Variants in PRKD1 observed in about 807,000 individuals in gnomAD.
PRKD1 encodes protein kinase D1.
A neutral mutation model predicts 95.9 loss-of-function variants in PRKD1; 63 were observed. The observed-to-expected ratio is 0.66, with a 90% CI of 0.54 to 0.81. PRKD1 has a LOEUF of 0.81. Ranked by LOEUF, PRKD1 falls within the 30% of genes least tolerant of loss-of-function variation. The probability of loss-of-function intolerance (pLI) is 0.00; values close to 1 mark genes in which losing one functional copy is unlikely to be tolerated. For synonymous variants in PRKD1, 425 were observed against 423.1 expected (o/e 1.00, Z -0.05); for missense variants, 1,048 against 1,165.3 (o/e 0.90, Z 1.47).
At chr14:29,911,330 ATC>A (rs1469631491) in intron 1 of PRKD1, among the ~76,000 whole-genome samples, 41 of 152,208 alleles carry the variant, frequency 2.7e-4, no homozygotes, top group Non-Finnish European at 7.4e-5. Context: ...GGTTGTTCAA[ATC>A]TGTTAGACTT....
At chr14:29,763,529 A>G (rs909353981) in intron 1 of PRKD1, among the ~76,000 whole-genome samples, 1 of 151,374 alleles carries the variant, frequency 6.6e-6, no homozygotes, top group Non-Finnish European at 1.5e-5. Flanking sequence ...GACTAGTAAT[A>G]AGAAAGAAGA....
chr14:29,606,416 GAC>G (rs1464429922), intron 13 of PRKD1, among the ~76,000 whole-genome samples: 1 of 152,132 alleles, frequency 6.6e-6, no homozygotes, highest in African/African-American at 2.4e-5. Context: ...ATATGATAAA[GAC>G]AGTCTCTTTC....
At chr14:29,636,048 A>C (rs1880345000) in intron 7 of PRKD1, among the ~76,000 whole-genome samples, 1 of 120,888 alleles carries the variant, frequency 8.3e-6, no homozygotes, top group Non-Finnish European at 1.7e-5. Context: ...CACATGCAAA[A>C]AAAAAAAAAA....
rs1893456377 is a variant in PRKD1, at chr14:29,599,944, C to G, written c.1906-127G>C. On this transcript the variant is annotated intron_variant, in intron 13 of 17. Coordinates refer to ENST00000331968, the MANE Select transcript of PRKD1 (RefSeq NM_002742.3). ...AACCCACACTTAAGATTTTTAACAC[C>G]TCTACATTCCACATGTGCTGCCTTA... is the stretch of plus-strand genomic sequence containing the variant. 5.8e-6 allele frequency: 4 copies of G among 689,004 alleles called. No individual in the cohort carries two copies. The South Asian group carries it at 1.2e-4, about 20-fold the overall frequency. The allele number at this position is 689,004 out of a possible 1,614,324, so 42.7% of individuals were successfully genotyped here.
chr14:29,619,293 C>A (rs1179688301), intron 13 of PRKD1, among the ~76,000 whole-genome samples: 1 of 151,992 alleles, frequency 6.6e-6, no homozygotes, highest in Non-Finnish European at 1.5e-5. Context: ...TAAAATGACA[C>A]AATGAGGGTT....
chr14:29,830,937 G>A (rs988922530), intron 1 of PRKD1, among the ~76,000 whole-genome samples: 1 of 152,094 alleles, frequency 6.6e-6, no homozygotes, highest in African/African-American at 2.4e-5. Flanking sequence ...TGCCTGCCTT[G>A]GCCTCCCAAA....
At chr14:29,882,053 C>T (rs1250023044) in intron 1 of PRKD1, among the ~76,000 whole-genome samples, 2 of 152,182 alleles carry the variant, frequency 1.3e-5, no homozygotes, top group Non-Finnish European at 2.9e-5. Flanking sequence ...CAAGATTTAA[C>T]TTATACATCA....
intron 2 of PRKD1, among the ~76,000 whole-genome samples, chr14:29,679,310 G>C (rs537901629): frequency 6.6e-6 from 1 of 152,218 alleles, no homozygotes; most frequent in African/African-American, 2.4e-5. Context: ...TTTGCCTGTG[G>C]GTTTTTACAT....
At chr14:29,660,963 C>A (rs1049558292) in intron 4 of PRKD1, among the ~76,000 whole-genome samples, 1 of 151,532 alleles carries the variant, frequency 6.6e-6, no homozygotes. Context: ...AAATTGACCA[C>A]ATCTTGGAAT....
intron 1 of PRKD1, among the ~76,000 whole-genome samples, chr14:29,866,214 AC>A (rs1774452080): frequency 6.6e-6 from 1 of 152,034 alleles, no homozygotes; most frequent in African/African-American, 2.4e-5. Flanking sequence ...AACCTTGAAT[AC>A]CTTAACTATG....
At chr14:29,699,041 CTTCT>C (rs1338485032) in intron 2 of PRKD1, among the ~76,000 whole-genome samples, 6 of 152,096 alleles carry the variant, frequency 3.9e-5, no homozygotes, top group Admixed American at 6.6e-5. Context: ...TTCAGCCTTC[CTTCT>C]ATTATATAGT....
chr14:29,868,834 G>A (rs1282419023), intron 1 of PRKD1, among the ~76,000 whole-genome samples: 1 of 152,126 alleles, frequency 6.6e-6, no homozygotes, highest in Admixed American at 6.6e-5. Flanking sequence ...TAGTTCCTAT[G>A]GAAACATGCA....
At chr14:29,845,436 T>A (rs966625017) in intron 1 of PRKD1, among the ~76,000 whole-genome samples, 5 of 152,188 alleles carry the variant, frequency 3.3e-5, no homozygotes, top group African/African-American at 1.2e-4. Context: ...AACATACTTT[T>A]AAAAATCGTT....
At chr14:29,870,427 G>A (rs541589429) in intron 1 of PRKD1, among the ~76,000 whole-genome samples, 12 of 152,258 alleles carry the variant, frequency 7.9e-5, no homozygotes, top group African/African-American at 1.9e-4. Flanking sequence ...GATTTGCCTT[G>A]ATAAGCATGG....
chr14:29,914,767 C>CTT (rs1168353254), intron 1 of PRKD1, among the ~76,000 whole-genome samples: 2 of 150,244 alleles, frequency 1.3e-5, no homozygotes, highest in Non-Finnish European at 2.9e-5. Context: ...CTGAATGGCA[C>CTT]TTTTCTTTTC....
At chr14:29,686,090 CT>C (rs2139282932) in intron 2 of PRKD1, among the ~76,000 whole-genome samples, 1 of 152,278 alleles carries the variant, frequency 6.6e-6, no homozygotes, top group Admixed American at 6.5e-5. Flanking sequence ...TTCCTACTTT[CT>C]TTAATAGTTT....
At chr14:29,594,021 T>G (rs888950023) in intron 16 of PRKD1, 2 of 396,620 alleles carry the variant, frequency 5.0e-6, no homozygotes, top group Non-Finnish European at 9.8e-6. Context: ...TCTAAGCCCT[T>G]GATTTCAAGA....
intron 1 of PRKD1, among the ~76,000 whole-genome samples, chr14:29,826,483 G>A: frequency 9.0e-6 from 1 of 110,800 alleles, no homozygotes; most frequent in African/African-American, 3.7e-5. Flanking sequence ...TATATATGAT[G>A]GAATATATGT....
At chr14:29,711,488 G>T in intron 2 of PRKD1, among the ~76,000 whole-genome samples, 2 of 152,216 alleles carry the variant, frequency 1.3e-5, no homozygotes, top group South Asian at 4.1e-4. Flanking sequence ...TTCATTGGTG[G>T]TTAGAAACCA....
Sources: allele counts gnomAD v4.1 joint callset (sites outside exome capture counted in the v4.1 genomes callset), GRCh38; gene constraint gnomAD v4.1.1; transcripts MANE v1.5; gene names NCBI Gene and HGNC (gene_info 2026-07-23, HGNC 2026-07-21).